Variants in ELF4 observed in about 807,000 individuals in gnomAD.
ELF4 encodes ETS-related transcription factor Elf-4.
Under a neutral mutation model 31.7 loss-of-function variants are expected in ELF4, and 10 were observed. The ratio of observed to expected loss-of-function variants is 0.32; its 90% CI spans 0.19 to 0.54. The LOEUF is 0.54. ELF4 is among the 20% of genes least tolerant of loss of function. The pLI is 0.95. For synonymous variants in ELF4, 208 were observed against 226.7 expected, an observed-to-expected ratio of 0.92 and a Z score of 0.74; for missense variants, 418 against 522.0, an observed-to-expected ratio of 0.80 and a Z score of 1.94.
chrX:130,096,599 C>T (rs1479111363), intron 1 of ELF4, among the ~76,000 whole-genome samples: 2 of 111,897 alleles, frequency 1.8e-5, no homozygotes, highest in Admixed American at 9.5e-5. Flanking sequence ...GGTATTTGAA[C>T]TATATCTAAT....
chrX:130,087,470 C>T (rs752048524), intron 1 of ELF4, among the ~76,000 whole-genome samples: 1 of 112,417 alleles, frequency 8.9e-6, no homozygotes, highest in Admixed American at 9.4e-5. Flanking sequence ...TCTGTTAGCC[C>T]GAAACGTGTT....
intron 1 of ELF4, among the ~76,000 whole-genome samples, chrX:130,105,584 G>C (rs1933363329): frequency 8.9e-6 from 1 of 111,980 alleles, no homozygotes. Context: ...CACAGAATCA[G>C]TGGAAGCAAT....
Position 130,066,854 on chromosome X carries a change from C to T in ELF4, c.1859G>A (p.Gly620Asp). 8.3e-7 allele frequency: 1 copy of T among 1,211,284 alleles called. No individual in the cohort carries two copies. Among genetic ancestry groups the T allele is most frequent in the East Asian group, 3.0e-5 (1 of 33,845 alleles). Residue 620 changes from glycine to aspartate, a missense_variant, in exon 9 of 9, where the codon GGC (glycine) becomes GAC (aspartate). Physicochemically the swap from Gly to Asp is moderately conservative, Grantham distance 94. Transcript: ENST00000308167. ...TPVAELELSS[G>D]SGSLLMAEPS... is the part of the protein sequence containing the mutation. The stretch of plus-strand genomic sequence containing the variant: ...CTCAGCCATCAGCAGGGACCCTGAG[C>T]CTGAGGAGAGCTCAAGTTCAGCCAC...
At chrX:130,098,837 C>T (rs1933197202) in intron 1 of ELF4, among the ~76,000 whole-genome samples, 1 of 112,047 alleles carries the variant, frequency 8.9e-6, no homozygotes, top group Non-Finnish European at 1.9e-5. Flanking sequence ...GACCCACCTG[C>T]AGGCAGGCCC....
At chrX:130,088,400 G>A (rs1195579214) in intron 1 of ELF4, among the ~76,000 whole-genome samples, 1 of 110,854 alleles carries the variant, frequency 9.0e-6, no homozygotes, top group Non-Finnish European at 1.9e-5. Flanking sequence ...AGATGTGCAG[G>A]GTGTTCTCGC....
At chrX:130,077,544 T>C (rs186572980) in intron 2 of ELF4, among the ~76,000 whole-genome samples, 1 of 112,550 alleles carries the variant, frequency 8.9e-6, no homozygotes, top group African/African-American at 3.2e-5. Flanking sequence ...TCCGCCTGCG[T>C]TGGCCTCCCA....
chrX:130,102,947 GAAGGA>G lies in ELF4; in HGVS notation c.-210+7373_-210+7377del, dbSNP rs1569410664. ...GAGAGAGAAGGAGGGAGGGAGGAAG[GAAGGA>G]AGGGAGGGAGGAAGGAAGGAAGGAA... On this transcript the variant is annotated intron_variant, in intron 1 of 8. Transcript: ENST00000308167. Among the ~76,000 whole-genome samples, 182 of 50,336 alleles carry G rather than the reference GAAGGA, an allele frequency of 3.6e-3. 4 individuals are homozygous for G. Among genetic ancestry groups the G allele is most frequent in the African/African-American group, 0.019 (163 of 8,601 alleles). The allele number at this position is 50,336 out of a possible 115,157, so 43.7% of individuals were successfully genotyped here. A position where few individuals can be genotyped will look rare whatever the true frequency, so the allele number is the denominator to read the frequency against.
chrX:130,075,485 C>T (rs1438562110), intron 2 of ELF4, among the ~76,000 whole-genome samples: 1 of 109,597 alleles, frequency 9.1e-6, no homozygotes, highest in Non-Finnish European at 1.9e-5. Context: ...ACCGTGTTAG[C>T]CAGGATGGTC....
chrX:130,109,945 G>A (rs1933446004), intron 1 of ELF4, among the ~76,000 whole-genome samples: 1 of 112,863 alleles, frequency 8.9e-6, no homozygotes, highest in Non-Finnish European at 1.9e-5. Flanking sequence ...CAGAAGCCCC[G>A]GGGGCAGTCG....
intron 1 of ELF4, among the ~76,000 whole-genome samples, chrX:130,088,709 T>C (rs1450817010): frequency 8.9e-6 from 1 of 111,924 alleles, no homozygotes; most frequent in African/African-American, 3.2e-5. Flanking sequence ...CGAGACTCCA[T>C]CTCAAAAAAA....
chrX:130,102,721 G>A (rs1476896464), intron 1 of ELF4, among the ~76,000 whole-genome samples: 1 of 108,009 alleles, frequency 9.3e-6, no homozygotes, highest in African/African-American at 3.4e-5. Context: ...GAAGGCTAAG[G>A]TGGTAGGATT....
At chrX:130,111,765 C>T (rs892309509), upstream of ELF4, among the ~76,000 whole-genome samples, 3 of 112,342 alleles carry the variant, frequency 2.7e-5, no homozygotes, top group Non-Finnish European at 3.8e-5. Flanking sequence ...GCTCCACGCG[C>T]CCACTTGAAA....
chrX:130,101,678 G>C (rs140964264), intron 1 of ELF4, among the ~76,000 whole-genome samples: 146 of 110,032 alleles, frequency 1.3e-3, no homozygotes, highest in Middle Eastern at 4.7e-3. Flanking sequence ...GTAATCCCAG[G>C]TACTCGGGAG....
rs750993234 is a variant in ELF4 at position 130,088,384 on chromosome X, A to G, written c.-209-6845T>C. ...ATGGGGAGATACAGTAGCTGTAGAG[A>G]CCCCAAGATGTGCAGGGTGTTCTCG... On this transcript the variant is annotated intron_variant, in intron 1 of 8. Transcript: ENST00000308167. Among the ~76,000 whole-genome samples the G allele has an allele frequency of 5.6e-3, 618 of 111,080 alleles. 4 individuals are homozygous for G. The highest frequency in any genetic ancestry group is 0.019 in the African/African-American group (578 of 30,474).
At chrX:130,093,957 C>A (rs1194740435) in intron 1 of ELF4, among the ~76,000 whole-genome samples, 2 of 112,099 alleles carry the variant, frequency 1.8e-5, no homozygotes, top group Non-Finnish European at 3.8e-5. Flanking sequence ...AGGGGCCGGG[C>A]GTGGTGGCTC....
Position 130,064,205 on chromosome X carries a change from A to G in ELF4, c.*2516T>C. Among the ~76,000 whole-genome samples, 1 of 110,884 alleles carries G rather than the reference A, an allele frequency of 9.0e-6. No homozygotes were observed. Among genetic ancestry groups the G allele is most frequent in the Non-Finnish European group, 1.9e-5 (1 of 52,972 alleles). On this transcript the variant is annotated 3_prime_UTR_variant, in exon 9 of 9. Coordinates refer to ENST00000308167, the MANE Select transcript of ELF4 (RefSeq NM_001421.4). ...GTAATCCCAGCACTTTGGGAGGCCA[A>G]GGTGGGTGGATCACCTGAGGCCAGG...
intron 1 of ELF4, among the ~76,000 whole-genome samples, chrX:130,081,808 C>T (rs760209292): frequency 5.3e-4 from 60 of 112,155 alleles, no homozygotes; most frequent in Admixed American, 1.3e-3. Context: ...ATCGGCATCT[C>T]GCACTAGTCC....
At chrX:130,097,760 T>A (rs762979688) in intron 1 of ELF4, among the ~76,000 whole-genome samples, 1 of 112,786 alleles carries the variant, frequency 8.9e-6, no homozygotes, top group South Asian at 3.6e-4. Flanking sequence ...AGGAACCAGG[T>A]TCTTGGGCTG....
At chrX:130,084,278 G>T (rs1417949571) in intron 1 of ELF4, among the ~76,000 whole-genome samples, 1 of 112,363 alleles carries the variant, frequency 8.9e-6, no homozygotes, top group African/African-American at 3.2e-5. Context: ...GCTGGAAGTG[G>T]CTGTGCTGAA....
Sources: allele counts gnomAD v4.1 joint callset (sites outside exome capture counted in the v4.1 genomes callset), GRCh38; gene constraint gnomAD v4.1.1; transcripts MANE v1.5; gene names NCBI Gene and HGNC (gene_info 2026-07-23, HGNC 2026-07-21).